NEGR1: variants seen among roughly 807,000 people sequenced by gnomAD.
The protein encoded by NEGR1 is neuronal growth regulator 1.
Under a neutral mutation model 40.9 loss-of-function variants are expected in NEGR1, and 10 were observed. The ratio of observed to expected loss-of-function variants is 0.24; its 90% CI spans 0.15 to 0.42. NEGR1 has a LOEUF of 0.42. NEGR1 is among the 10% of genes least tolerant of loss of function. NEGR1 has a pLI of 1.00. For missense variants in NEGR1, 352 were observed against 438.9 expected (o/e 0.80, Z 1.77); for synonymous variants, 185 against 166.8 (o/e 1.11, Z -0.84).
chr1:72,149,879 CAAAAAAAA>C (rs1180110033), intron 1 of NEGR1, among the ~76,000 whole-genome samples: 1 of 39,392 alleles, frequency 2.5e-5, no homozygotes. Context: ...AAAACTCTGT[CAAAAAAAA>C]AAAAAAAAAA....
intron 1 of NEGR1, among the ~76,000 whole-genome samples, chr1:72,197,747 T>C (rs1653051369): frequency 6.6e-6 from 1 of 151,974 alleles, no homozygotes; most frequent in South Asian, 2.1e-4. Flanking sequence ...GACCTAAAAA[T>C]AGAAGACCCT....
At chr1:72,075,420 A>G (rs1180233623) in intron 1 of NEGR1, among the ~76,000 whole-genome samples, 2 of 152,188 alleles carry the variant, frequency 1.3e-5, no homozygotes, top group Admixed American at 6.6e-5. Context: ...CAAGCATTAC[A>G]CAATGTAGAT....
At position 71,519,729 on chromosome 1, in the gene NEGR1, T is replaced by TAA. The variant is rs202110594; in HGVS notation, c.940+73086_940+73087dup. ...ATGTACCCTAACACTTAGAGTATAATAAAAAAAAAAAAAAATTAAAAAAAA... is the reference window on the plus strand; with the variant it reads ...ATGTACCCTAACACTTAGAGTATAATAAAAAAAAAAAAAAAAATTAAAAAAAA... On this transcript the variant is annotated intron_variant, in intron 6 of 6. Coordinates refer to ENST00000357731, the MANE Select transcript of NEGR1 (RefSeq NM_173808.3). Among the ~76,000 whole-genome samples, 706 of 128,728 alleles carry TAA rather than the reference T, an allele frequency of 5.5e-3. 5 individuals carry two copies. The highest frequency in any genetic ancestry group is 0.019 in the Admixed American group (242 of 12,488). The allele number at this position is 128,728 out of a possible 152,430, so 84.5% of individuals were successfully genotyped here.
At chr1:72,005,211 T>C (rs1053020381) in intron 1 of NEGR1, among the ~76,000 whole-genome samples, 1 of 152,122 alleles carries the variant, frequency 6.6e-6, no homozygotes, top group Non-Finnish European at 1.5e-5. Flanking sequence ...ATTTCTACTA[T>C]TATACACTGA....
rs530343280 is a variant in NEGR1, at chr1:72,188,051, G to A, written c.176+94268C>T. On this transcript the variant is annotated intron_variant, in intron 1 of 6. Coordinates refer to ENST00000357731, the MANE Select transcript of NEGR1 (RefSeq NM_173808.3). ...TCAAATCATTCTAAGGATTAGAATA[G>A]TTTTGGTTCCTTAAGCTAAAGGAAT... 5.3e-5 allele frequency among the ~76,000 whole-genome samples: 8 copies of A among 151,586 alleles called. No individual in the cohort carries two copies. The East Asian group carries it at 1.4e-3, about 26-fold the overall frequency.
intron 4 of NEGR1, among the ~76,000 whole-genome samples, chr1:71,673,642 T>C (rs2101602394): frequency 6.6e-6 from 1 of 152,230 alleles, no homozygotes; most frequent in South Asian, 2.1e-4. Context: ...ATACCAAAAA[T>C]TCAGAAATCC....
chr1:71,841,890 G>A (rs2101803079), intron 2 of NEGR1, among the ~76,000 whole-genome samples: 1 of 152,176 alleles, frequency 6.6e-6, no homozygotes, highest in Middle Eastern at 3.4e-3. Flanking sequence ...CCCAATTATT[G>A]TGTGTTGATG....
chr1:71,568,423 G>A (rs1248386751), intron 6 of NEGR1, among the ~76,000 whole-genome samples: 1 of 152,168 alleles, frequency 6.6e-6, no homozygotes, highest in Non-Finnish European at 1.5e-5. Context: ...GCAGGAAGAA[G>A]GCCAGGCTTC....
intron 1 of NEGR1, among the ~76,000 whole-genome samples, chr1:71,958,636 G>T (rs1340546598): frequency 6.6e-6 from 1 of 152,104 alleles, no homozygotes; most frequent in African/African-American, 2.4e-5. Flanking sequence ...CTCTACAGCT[G>T]ACAAGAACTA....
chr1:71,819,206 C>T (rs1357728102), intron 2 of NEGR1, among the ~76,000 whole-genome samples: 1 of 151,938 alleles, frequency 6.6e-6, no homozygotes. Context: ...CCACCATATG[C>T]ATAGAACTAG....
intron 1 of NEGR1, among the ~76,000 whole-genome samples, chr1:71,968,399 A>G (rs1370076446): frequency 1.3e-5 from 2 of 152,130 alleles, no homozygotes; most frequent in East Asian, 1.9e-4. Flanking sequence ...GTTACAGTAC[A>G]TTTCTTTTCT....
chr1:71,603,584 A>G (rs1649990599), intron 5 of NEGR1, among the ~76,000 whole-genome samples: 1 of 152,192 alleles, frequency 6.6e-6, no homozygotes, highest in East Asian at 1.9e-4. Context: ...AAGTCAGCAT[A>G]TAAGGTAAAG....
At chr1:71,688,367 G>GATATATATATATAAAATATATAAAAA (rs1491505759) in intron 4 of NEGR1, among the ~76,000 whole-genome samples, 1 of 28,196 alleles carries the variant, frequency 3.5e-5, no homozygotes. Context: ...ATATATATAT[G>GATATATATATATAAAATATATAAAAA]AGATATATAC....
At chr1:71,614,538 T>C (rs1650380900) in intron 4 of NEGR1, among the ~76,000 whole-genome samples, 1 of 152,236 alleles carries the variant, frequency 6.6e-6, no homozygotes, top group Non-Finnish European at 1.5e-5. Flanking sequence ...ATTTTCACTA[T>C]TGTTCTCATA....
At chr1:72,190,458 T>G (rs979109111) in intron 1 of NEGR1, among the ~76,000 whole-genome samples, 2 of 151,624 alleles carry the variant, frequency 1.3e-5, no homozygotes, top group Non-Finnish European at 3.0e-5. Flanking sequence ...TACATAGAAC[T>G]GAGCAAACAT....
chr1:71,827,387 T>C (rs1658668174), intron 2 of NEGR1, among the ~76,000 whole-genome samples: 1 of 151,962 alleles, frequency 6.6e-6, no homozygotes, highest in South Asian at 2.1e-4. Flanking sequence ...GGTCTACGAC[T>C]CTTACCAACA....
At chr1:71,947,485 C>A (rs907551988) in intron 1 of NEGR1, among the ~76,000 whole-genome samples, 2 of 152,162 alleles carry the variant, frequency 1.3e-5, no homozygotes, top group Non-Finnish European at 2.9e-5. Context: ...CACCCAAAAT[C>A]ATTCCTAATG....
intron 3 of NEGR1, among the ~76,000 whole-genome samples, chr1:71,769,231 T>A (rs969056454): frequency 6.6e-6 from 1 of 152,178 alleles, no homozygotes; most frequent in African/African-American, 2.4e-5. Context: ...ACAATTTTTA[T>A]TTTTTCTTTA....
chr1:71,861,182 T>G (rs1659935489), intron 2 of NEGR1, among the ~76,000 whole-genome samples: 1 of 152,076 alleles, frequency 6.6e-6, no homozygotes, highest in Non-Finnish European at 1.5e-5. Flanking sequence ...CTGTATGATC[T>G]TGGGCAAGTT....
Sources: allele counts gnomAD v4.1 joint callset (sites outside exome capture counted in the v4.1 genomes callset), GRCh38; gene constraint gnomAD v4.1.1; transcripts MANE v1.5; gene names NCBI Gene and HGNC (gene_info 2026-07-23, HGNC 2026-07-21).